TTC28: variants seen among roughly 807,000 people sequenced by gnomAD.
The protein encoded by TTC28 is tetratricopeptide repeat protein 28.
In TTC28, 61 loss-of-function variants were observed where a neutral mutation model predicts 198.0. That is an observed-to-expected ratio of 0.31 (90% CI 0.25 to 0.38). The LOEUF is 0.38. Among genes scored for constraint, TTC28 ranks in the 10% least tolerant of loss-of-function variants. TTC28 has a pLI of 1.00. For missense variants in TTC28, 2,678 were observed against 3,164.0 expected, an observed-to-expected ratio of 0.85 and a Z score of 3.69; for synonymous variants, 1,171 against 1,297.8, an observed-to-expected ratio of 0.90 and a Z score of 2.10.
chr22:28,322,457 G>A (rs1218358224), intron 2 of TTC28, among the ~76,000 whole-genome samples: 2 of 151,986 alleles, frequency 1.3e-5, no homozygotes, highest in East Asian at 3.9e-4. Context: ...AATGACTCAG[G>A]GAGATCATTA....
intron 5 of TTC28, among the ~76,000 whole-genome samples, chr22:28,175,509 A>G (rs184123595): frequency 0.032 from 4,935 of 152,288 alleles, 122 homozygotes; most frequent in Admixed American, 0.048. Context: ...AGGCGGGTGG[A>G]TGCCCTGAGG....
chr22:28,174,469 G>A lies in TTC28; in HGVS notation c.934-10870C>T, dbSNP rs556401038. Among the ~76,000 whole-genome samples the A allele has an allele frequency of 7.4e-4, 113 of 152,306 alleles. 2 individuals carry two copies. The South Asian group carries it at 0.022, about 29-fold the overall frequency. ...GACAACACAAGAAGTTTGCCCCAGT[G>A]ATGGTCAAAAATGTCATCAACTTCG... is the stretch of plus-strand genomic sequence containing the variant. On this transcript the variant is annotated intron_variant, in intron 5 of 22. Transcript: ENST00000397906.
intron 2 of TTC28, among the ~76,000 whole-genome samples, chr22:28,518,664 G>A (rs1375082033): frequency 6.6e-6 from 1 of 152,146 alleles, no homozygotes; most frequent in Non-Finnish European, 1.5e-5. Context: ...CACATACAAA[G>A]AATTAGTATC....
intron 1 of TTC28, among the ~76,000 whole-genome samples, chr22:28,664,722 T>C (rs1433672997): frequency 8.1e-5 from 1 of 12,386 alleles, no homozygotes; most frequent in South Asian, 3.3e-3. Context: ...GAAAACACTC[T>C]GCAGGATATT....
intron 2 of TTC28, among the ~76,000 whole-genome samples, chr22:28,475,149 C>CAAAAAAAAAAAAAAAAAAAAA (rs386395148): frequency 1.4e-4 from 9 of 64,990 alleles, no homozygotes; most frequent in African/African-American, 1.9e-4. Flanking sequence ...GACTCCATCT[C>CAAAAAAAAAAAAAAAAAAAAA]AAAAAAAAAA....
intron 12 of TTC28, among the ~76,000 whole-genome samples, chr22:28,051,669 G>T (rs1940092159): frequency 6.6e-6 from 1 of 152,184 alleles, no homozygotes; most frequent in African/African-American, 2.4e-5. Flanking sequence ...AAAAGCTGTT[G>T]TCACGTCATG....
chr22:28,109,155 C>A (rs1217193618), intron 6 of TTC28, among the ~76,000 whole-genome samples: 1 of 152,194 alleles, frequency 6.6e-6, no homozygotes, highest in East Asian at 1.9e-4. Flanking sequence ...ACGTAACAAC[C>A]TTCAATGTGG....
chr22:28,491,905 A>G (rs1239358169), intron 2 of TTC28, among the ~76,000 whole-genome samples: 1 of 152,198 alleles, frequency 6.6e-6, no homozygotes, highest in African/African-American at 2.4e-5. Context: ...TGTGGCACAT[A>G]TACACCACGG....
intron 2 of TTC28, among the ~76,000 whole-genome samples, chr22:28,553,559 C>T (rs1233306841): frequency 2.1e-4 from 32 of 151,892 alleles, no homozygotes; most frequent in Non-Finnish European, 3.4e-4. Context: ...GCAGCCACCC[C>T]GTCTGAGAAG....
intron 2 of TTC28, among the ~76,000 whole-genome samples, chr22:28,552,962 T>G (rs559124613): frequency 5.9e-5 from 9 of 152,198 alleles, no homozygotes; most frequent in African/African-American, 1.9e-4. Flanking sequence ...GGTTTTCGTA[T>G]TTTTTTGGTG....
intron 6 of TTC28, among the ~76,000 whole-genome samples, chr22:28,150,692 C>G (rs1006066497): frequency 2.0e-5 from 3 of 152,210 alleles, no homozygotes; most frequent in Non-Finnish European, 4.4e-5. Flanking sequence ...AAGCAAAGGG[C>G]TACACAGGAG....
chr22:28,119,181 T>C (rs915297171), intron 6 of TTC28, among the ~76,000 whole-genome samples: 3 of 152,226 alleles, frequency 2.0e-5, no homozygotes, highest in East Asian at 3.9e-4. Flanking sequence ...TCATGTCATG[T>C]GCTCTTAAGA....
Position 28,536,211 on chromosome 22 carries a change from A to T in TTC28, c.381+93341T>A, listed in dbSNP as rs1453981765. On this transcript the variant is annotated intron_variant, in intron 2 of 22. Transcript: ENST00000397906. ...GAGACACCGTCTCAAAAAAAAAAAAAAAAAAAAAACATAAAAATAATAAAT... is the reference window on the plus strand; with the variant it reads ...GAGACACCGTCTCAAAAAAAAAAAATAAAAAAAAACATAAAAATAATAAAT... 1.9e-3 allele frequency among the ~76,000 whole-genome samples: 282 copies of T among 148,892 alleles called. 2 individuals are homozygous for T. The highest frequency in any genetic ancestry group is 5.6e-3 in the African/African-American group (226 of 40,506).
chr22:28,168,328 G>T (rs1004180761), intron 5 of TTC28, among the ~76,000 whole-genome samples: 1 of 152,074 alleles, frequency 6.6e-6, no homozygotes, highest in Non-Finnish European at 1.5e-5. Context: ...CTACTTTAAA[G>T]TTCATATGGA....
At chr22:28,526,802 G>T (rs2049012657) in intron 2 of TTC28, among the ~76,000 whole-genome samples, 1 of 151,912 alleles carries the variant, frequency 6.6e-6, no homozygotes, top group Non-Finnish European at 1.5e-5. Context: ...TGTTGCCCAG[G>T]TTGGAGTGCA....
intron 13 of TTC28, among the ~76,000 whole-genome samples, chr22:28,026,084 T>C (rs1363432589): frequency 6.6e-6 from 1 of 152,186 alleles, no homozygotes; most frequent in Non-Finnish European, 1.5e-5. Flanking sequence ...CCACCTCCAC[T>C]GTAGGCCAGG....
At chr22:28,095,853 G>C (rs770514327) in intron 11 of TTC28, among the ~76,000 whole-genome samples, 1 of 152,168 alleles carries the variant, frequency 6.6e-6, no homozygotes, top group Admixed American at 6.5e-5. Context: ...GAAAGAATTC[G>C]TTAGGACTTG....
chr22:28,593,441 GTAGGTAGA>G (rs1002455119), intron 2 of TTC28, among the ~76,000 whole-genome samples: 16 of 151,618 alleles, frequency 1.1e-4, no homozygotes, highest in African/African-American at 3.9e-4. Context: ...AGACAGACAG[GTAGGTAGA>G]TAGGTAGATA....
At chr22:27,994,468 T>TTTA (rs1555900220) in intron 17 of TTC28, 1 of 150,692 alleles carries the variant, frequency 6.6e-6, no homozygotes, top group African/African-American at 2.4e-5. Flanking sequence ...TTTTTTTTTT[T>TTTA]ACAGTAAACA....
Sources: allele counts gnomAD v4.1 joint callset (sites outside exome capture counted in the v4.1 genomes callset), GRCh38; gene constraint gnomAD v4.1.1; transcripts MANE v1.5; gene names NCBI Gene and HGNC (gene_info 2026-07-23, HGNC 2026-07-21).